WASHC5: variants seen among roughly 807,000 people sequenced by gnomAD.
WASHC5 encodes the protein WASH complex subunit 5.
Under a neutral mutation model 150.4 loss-of-function variants are expected in WASHC5, and 101 were observed. The observed-to-expected ratio is 0.67, with a 90% confidence interval of 0.57 to 0.79. The LOEUF is 0.79. WASHC5 is among the 30% of genes least tolerant of loss of function. The pLI is 0.00. For missense variants in WASHC5, 1,195 were observed against 1,396.3 expected (o/e 0.86, Z 2.30); for synonymous variants, 467 against 491.2 (o/e 0.95, Z 0.65).
rs575046477 is a variant in WASHC5 at position 125,074,983 on chromosome 8, C to T, written c.978+15G>A. ...GCCTGCAGTTATCAGAGAATGTCCC[C>T]AGATTAGAACCTACCTGTTCTCTGA... On this transcript the variant is annotated intron_variant, in intron 8 of 28. Transcript: ENST00000318410. 3 of 1,465,610 alleles carry T rather than the reference C, an allele frequency of 2.0e-6. No homozygotes were observed. Among genetic ancestry groups the T allele is most frequent in the Admixed American group, 1.7e-5 (1 of 59,808 alleles). The allele number at this position is 1,465,610 out of a possible 1,614,324, so 90.8% of individuals were successfully genotyped here.
intron 12 of WASHC5, among the ~76,000 whole-genome samples, chr8:125,060,556 C>A (rs958202358): frequency 2.0e-5 from 3 of 151,318 alleles, no homozygotes; most frequent in Non-Finnish European, 4.4e-5. Flanking sequence ...TAGTTAAATA[C>A]ACAATTAAAA....
chr8:125,027,769 A>C (rs1815414891), intron 28 of WASHC5, among the ~76,000 whole-genome samples: 1 of 152,224 alleles, frequency 6.6e-6, no homozygotes, highest in Non-Finnish European at 1.5e-5. Flanking sequence ...CTTATGGAAA[A>C]ATAGAATAAA....
chr8:125,028,506 C>G (rs1815435562), intron 28 of WASHC5, 114 bp downstream of exon 28: 1 of 723,658 alleles, frequency 1.4e-6, no homozygotes, highest in Non-Finnish European at 2.5e-6. Flanking sequence ...GCGAGAGGCG[C>G]AGAGGCATCT....
chr8:125,089,624 A>C (rs1347493555), intron 1 of WASHC5, among the ~76,000 whole-genome samples: 5 of 152,266 alleles, frequency 3.3e-5, no homozygotes, highest in Admixed American at 3.3e-4. Context: ...AAACAACTTA[A>C]AGCAAAGTAA....
intron 17 of WASHC5, among the ~76,000 whole-genome samples, chr8:125,052,607 A>G (rs1816274079): frequency 2.2e-5 from 2 of 90,532 alleles, no homozygotes; most frequent in Admixed American, 2.6e-4. Flanking sequence ...TATCACACAC[A>G]CTACACACAC....
At chr8:125,070,171 C>T (rs1816858251) in intron 9 of WASHC5, among the ~76,000 whole-genome samples, 2 of 152,184 alleles carry the variant, frequency 1.3e-5, no homozygotes, top group South Asian at 4.1e-4. Context: ...AGGTTCTGTA[C>T]AAGCATCCTA....
chr8:125,055,608 A>G lies in WASHC5; in HGVS notation c.2080T>C (p.Leu694=). Residue 694 remains leucine, a synonymous_variant, in exon 17 of 29, where the codon TTG becomes CTG. Coordinates refer to ENST00000318410, the MANE Select transcript of WASHC5 (RefSeq NM_014846.4). ...TEGILMMKTT[L]VGIIKVDPKQ... is the part of the protein sequence containing the mutation. ...ACTGTTACCTTGATGATGCCAACCA[A>G]AGTCGTTTTCATCATTAAGATGCCT... 6.2e-7 allele frequency: 1 copy of G among 1,611,102 alleles called. No homozygotes were observed. The highest frequency in any genetic ancestry group is 1.1e-5 in the South Asian group (1 of 91,026).
chr8:125,071,738 G>T (rs1423848336), intron 9 of WASHC5, among the ~76,000 whole-genome samples: 1 of 152,136 alleles, frequency 6.6e-6, no homozygotes, highest in Non-Finnish European at 1.5e-5. Flanking sequence ...GTTTCCCGCT[G>T]CTGCTTTAAC....
At chr8:125,087,881 G>T (rs1210578003) in intron 1 of WASHC5, among the ~76,000 whole-genome samples, 1 of 152,116 alleles carries the variant, frequency 6.6e-6, no homozygotes, top group African/African-American at 2.4e-5. Flanking sequence ...GATTACAAAT[G>T]TATCTTGAAA....
intron 9 of WASHC5, among the ~76,000 whole-genome samples, chr8:125,070,521 A>G (rs191332172): frequency 1.3e-5 from 2 of 152,342 alleles, no homozygotes; most frequent in Middle Eastern, 3.4e-3. Flanking sequence ...CAGAAGATGA[A>G]GATGAGGCTG....
intron 9 of WASHC5, 22 bp downstream of exon 9, chr8:125,073,131 G>A (rs1371268236): frequency 5.6e-6 from 9 of 1,612,930 alleles, no homozygotes; most frequent in South Asian, 2.2e-5. Context: ...TAATATAAAC[G>A]GCCACCCCTT....
intron 12 of WASHC5, among the ~76,000 whole-genome samples, chr8:125,060,855 T>A (rs1563623831): frequency 2.0e-5 from 3 of 152,234 alleles, no homozygotes; most frequent in Non-Finnish European, 4.4e-5. Flanking sequence ...TAAGATTACA[T>A]GTTTCCTCAA....
chr8:125,028,183 A>C (rs752129032), intron 28 of WASHC5, among the ~76,000 whole-genome samples: 3 of 152,240 alleles, frequency 2.0e-5, no homozygotes, highest in Non-Finnish European at 2.9e-5. Context: ...GGCAGGTAAA[A>C]AGTAGTCTGC....
At chr8:125,053,156 A>G (rs1027693753) in intron 17 of WASHC5, among the ~76,000 whole-genome samples, 1 of 144,630 alleles carries the variant, frequency 6.9e-6, no homozygotes, top group African/African-American at 2.6e-5. Context: ...CTCTGTGTAT[A>G]TCTCACTTGT....
chr8:125,071,600 A>G (rs1475713876), intron 9 of WASHC5, among the ~76,000 whole-genome samples: 1 of 152,062 alleles, frequency 6.6e-6, no homozygotes, highest in Non-Finnish European at 1.5e-5. Context: ...TGATTCCTGT[A>G]TGGGGTTTCC....
At chr8:125,060,746 C>T (rs1816570719) in intron 12 of WASHC5, among the ~76,000 whole-genome samples, 1 of 152,086 alleles carries the variant, frequency 6.6e-6, no homozygotes, top group Non-Finnish European at 1.5e-5. Flanking sequence ...CACTTTTTTA[C>T]AACCCTAAAA....
rs1359576672 is a variant in WASHC5, at chr8:125,091,740, G to C, written c.-250C>G. 3 of 152,346 alleles carry C rather than the reference G, an allele frequency of 2.0e-5. No homozygotes were observed. The highest frequency in any genetic ancestry group is 7.2e-5 in the African/African-American group (3 of 41,462). The allele number at this position is 152,346 out of a possible 1,614,324, so 9.4% of individuals were successfully genotyped here. A position where few individuals can be genotyped will look rare whatever the true frequency, so the allele number is the denominator to read the frequency against. ...TATCCGCAGTCCCGGACCTGGAGCG[G>C]GTCAGACCCCGACTTCCGCCCCTGA... is the stretch of plus-strand genomic sequence containing the variant. On this transcript the variant is annotated 5_prime_UTR_variant, in exon 1 of 29. Transcript: ENST00000318410.
At chr8:125,088,243 G>A (rs941175867) in intron 1 of WASHC5, among the ~76,000 whole-genome samples, 4 of 151,732 alleles carry the variant, frequency 2.6e-5, no homozygotes, top group South Asian at 2.1e-4. Flanking sequence ...TAGGAGAGCC[G>A]GGATCACCCC....
intron 28 of WASHC5, among the ~76,000 whole-genome samples, chr8:125,026,667 CTTAAT>C (rs987227364): frequency 1.3e-5 from 2 of 152,066 alleles, no homozygotes; most frequent in Non-Finnish European, 2.9e-5. Flanking sequence ...CCCTTTCTCT[CTTAAT>C]TTGAGATGCT....
Sources: gnomAD v4.1 joint callset for allele counts (sites outside exome capture counted in the v4.1 genomes callset) on GRCh38, gnomAD v4.1.1 for gene constraint, MANE v1.5 for transcripts, NCBI Gene and HGNC (gene_info 2026-07-23, HGNC 2026-07-21) for gene names.